TAFA2: variants seen among roughly 807,000 people sequenced by gnomAD.
The protein encoded by TAFA2 is chemokine-like protein TAFA-2.
In TAFA2, 7 loss-of-function variants were observed where a neutral mutation model predicts 18.8. That is an observed-to-expected ratio of 0.37 (90% confidence interval 0.21 to 0.70). TAFA2 has a LOEUF of 0.70. Ranked by LOEUF, TAFA2 falls within the 30% of genes least tolerant of loss-of-function variation. The pLI is 0.53. For missense variants in TAFA2, 122 were observed against 158.1 expected (o/e 0.77, Z 1.23); for synonymous variants, 60 against 54.2 (o/e 1.11, Z -0.47).
At chr12:61,862,250 T>A (rs142258236) in intron 2 of TAFA2, among the ~76,000 whole-genome samples, 3 of 152,270 alleles carry the variant, frequency 2.0e-5, no homozygotes, top group Non-Finnish European at 2.9e-5. Context: ...GAAACACTGC[T>A]CATTCTGACT....
chr12:61,776,502 C>A, intron 2 of TAFA2: 1 of 151,998 alleles, frequency 6.6e-6, no homozygotes, highest in Non-Finnish European at 1.5e-5. Context: ...ACAGACTATA[C>A]TAGGATAAAG....
intron 1 of TAFA2, among the ~76,000 whole-genome samples, chr12:61,911,395 C>T (rs1281032497): frequency 6.6e-6 from 1 of 152,116 alleles, no homozygotes; most frequent in East Asian, 1.9e-4. Context: ...TCATTATTCC[C>T]GTATCAAGCC....
intron 1 of TAFA2, among the ~76,000 whole-genome samples, chr12:61,953,276 T>C (rs955768859): frequency 2.0e-5 from 3 of 152,084 alleles, no homozygotes; most frequent in African/African-American, 7.2e-5. Flanking sequence ...CCACCTAGTC[T>C]GTGTTTTTAA....
At chr12:61,752,601 A>G (rs968468814) in intron 4 of TAFA2, among the ~76,000 whole-genome samples, 1 of 152,022 alleles carries the variant, frequency 6.6e-6, no homozygotes, top group African/African-American at 2.4e-5. Context: ...GAAAAATTTC[A>G]TGAAATATGT....
chr12:61,831,696 T>C (rs1872726214), intron 2 of TAFA2, among the ~76,000 whole-genome samples: 1 of 152,160 alleles, frequency 6.6e-6, no homozygotes, highest in South Asian at 2.1e-4. Flanking sequence ...TTTTAATTTT[T>C]AATTTTTTTT....
At chr12:62,081,619 G>T (rs566232385) in intron 1 of TAFA2, among the ~76,000 whole-genome samples, 7 of 152,060 alleles carry the variant, frequency 4.6e-5, no homozygotes, top group African/African-American at 1.7e-4. Context: ...CAAGTAGCTG[G>T]GACAACAGGA....
At chr12:61,922,969 A>G (rs1374091083) in intron 1 of TAFA2, among the ~76,000 whole-genome samples, 1 of 152,162 alleles carries the variant, frequency 6.6e-6, no homozygotes, top group East Asian at 1.9e-4. Context: ...CAGCGTAAAC[A>G]AAGCCACCAG....
chr12:61,778,930 G>A (rs1870388810), intron 2 of TAFA2, among the ~76,000 whole-genome samples: 1 of 151,776 alleles, frequency 6.6e-6, no homozygotes, highest in South Asian at 2.1e-4. Flanking sequence ...AGAGACTAGT[G>A]GGAAAGGATA....
chr12:61,990,235 T>C (rs1007906202), intron 1 of TAFA2, among the ~76,000 whole-genome samples: 1 of 152,192 alleles, frequency 6.6e-6, no homozygotes, highest in African/African-American at 2.4e-5. Context: ...TCTATTACTG[T>C]TCTGTTCTTC....
intron 1 of TAFA2, among the ~76,000 whole-genome samples, chr12:62,039,720 T>C (rs1009536579): frequency 1.4e-4 from 22 of 152,186 alleles, no homozygotes; most frequent in Non-Finnish European, 2.8e-4. Flanking sequence ...AATCCTGAGA[T>C]GCATATACAC....
In TAFA2 at chr12:62,173,014, T is replaced by C. The variant is rs2062488902; in HGVS notation, c.-2+18245A>G. On this transcript the variant is annotated intron_variant, in intron 1 of 4. Transcript: ENST00000416284. ...GGCTTGGGTCTTTGTGAGGAATACA[T>C]GAACTAATATATTAAGGTTCCTAAC... Among the ~76,000 whole-genome samples the C allele has an allele frequency of 2.0e-5, 3 of 152,196 alleles. No individual in the cohort carries two copies. The South Asian group carries it at 6.2e-4, about 31-fold the overall frequency.
chr12:61,861,606 C>T (rs1009169322), intron 2 of TAFA2, among the ~76,000 whole-genome samples: 1 of 152,094 alleles, frequency 6.6e-6, no homozygotes, highest in African/African-American at 2.4e-5. Flanking sequence ...ACTTAACAGA[C>T]ACTCCCCATA....
At chr12:61,914,390 G>C (rs1876734389) in intron 1 of TAFA2, among the ~76,000 whole-genome samples, 1 of 152,150 alleles carries the variant, frequency 6.6e-6, no homozygotes, top group African/African-American at 2.4e-5. Context: ...CTCCCACTGT[G>C]GCTTGCTTAG....
chr12:61,763,745 T>C (rs898293586), intron 2 of TAFA2, among the ~76,000 whole-genome samples: 4 of 151,786 alleles, frequency 2.6e-5, no homozygotes, highest in African/African-American at 4.8e-5. Context: ...TAAAGAGGGA[T>C]GGAGCTCGGA....
At chr12:61,942,266 C>A (rs1878063927) in intron 1 of TAFA2, among the ~76,000 whole-genome samples, 1 of 143,816 alleles carries the variant, frequency 7.0e-6, no homozygotes, top group Non-Finnish European at 1.5e-5. Flanking sequence ...GGAAAACTAA[C>A]AAACAGAAAG....
At chr12:62,117,761 G>A (rs990773537) in intron 1 of TAFA2, among the ~76,000 whole-genome samples, 2 of 152,082 alleles carry the variant, frequency 1.3e-5, no homozygotes, top group Admixed American at 6.5e-5. Context: ...ATCTAAACAT[G>A]CATTGATAAA....
At chr12:62,176,598 T>C (rs773413591) in intron 1 of TAFA2, among the ~76,000 whole-genome samples, 25 of 152,212 alleles carry the variant, frequency 1.6e-4, no homozygotes, top group Admixed American at 5.9e-4. Context: ...ACATGAATTT[T>C]TCAAATTTCC....
chr12:61,906,907 C>T (rs1182180992), intron 1 of TAFA2, among the ~76,000 whole-genome samples: 10 of 151,962 alleles, frequency 6.6e-5, no homozygotes, highest in Admixed American at 2.6e-4. Context: ...TTGAGAGAGA[C>T]GATTTAGGGT....
chr12:61,754,949 C>A lies in TAFA2; in HGVS notation c.182G>T (p.Arg61Leu), dbSNP rs759882562. ...GCAGGAGCACTTGACTGTTTGTGAC[C>A]GTTCTTCTATCTTGTTCTTATTACA... is the stretch of plus-strand genomic sequence containing the variant. ...RCCNKNKIEE[R>L]SQTVKCSCFP... The change falls in exon 3 of 5, where the codon CGG becomes CTG. Residue 61 changes from arginine to leucine, a missense_variant. This residue lies in a region of TAFA2 where 60 missense variants were observed against 102.7 expected (regional missense o/e 0.58). Coordinates refer to ENST00000416284, the MANE Select transcript of TAFA2 (RefSeq NM_178539.5). 1.2e-6 allele frequency: 2 copies of A among 1,612,946 alleles called. No individual in the cohort carries two copies. The highest frequency in any genetic ancestry group is 2.2e-5 in the South Asian group (2 of 91,054).
Sources: gnomAD v4.1 joint callset for allele counts (sites outside exome capture counted in the v4.1 genomes callset) on GRCh38, gnomAD v4.1.1 for gene constraint, gnomAD v4.1.1 regional missense constraint, MANE v1.5 for transcripts, NCBI Gene and HGNC (gene_info 2026-07-23, HGNC 2026-07-21) for gene names.